The following CMIP variants were observed in gnomAD, a reference collection of about 807,000 sequenced individuals.
The protein encoded by CMIP is C-Maf-inducing protein.
In CMIP, 13 loss-of-function variants were observed where a neutral mutation model predicts 97.3. The ratio of observed to expected loss-of-function variants is 0.13; its 90% confidence interval spans 0.09 to 0.21. The LOEUF (loss-of-function observed/expected upper bound fraction) is 0.21. Ranked by LOEUF, CMIP falls within the 10% of genes least tolerant of loss-of-function variation. The pLI is 1.00. For missense variants in CMIP, 847 were observed against 1,024.9 expected (o/e 0.83, Z 2.37); for synonymous variants, 538 against 436.3 (o/e 1.23, Z -2.91).
chr16:81,667,799 A>AGAGAGAGAGAGAGAGTGT, intron 7 of CMIP, among the ~76,000 whole-genome samples: 121 of 58,104 alleles, frequency 2.1e-3, no homozygotes, highest in Non-Finnish European at 3.1e-3. Flanking sequence ...AGAGAGAGAG[A>AGAGAGAGAGAGAGAGTGT]GTGTGTGTGT....
chr16:81,636,833 G>A (rs867312587), intron 3 of CMIP, among the ~76,000 whole-genome samples: 3 of 151,790 alleles, frequency 2.0e-5, no homozygotes, highest in East Asian at 1.9e-4. Context: ...GTCACCAGCC[G>A]GACTTGGTCC....
At chr16:81,532,926 G>A (rs979379793) in intron 1 of CMIP, among the ~76,000 whole-genome samples, 2 of 152,112 alleles carry the variant, frequency 1.3e-5, no homozygotes, top group African/African-American at 4.8e-5. Flanking sequence ...CCTTGGACAC[G>A]CCAAGCCTGC....
chr16:81,525,430 A>G (rs1326401055), intron 1 of CMIP, among the ~76,000 whole-genome samples: 1 of 152,210 alleles, frequency 6.6e-6, no homozygotes, highest in Non-Finnish European at 1.5e-5. Flanking sequence ...AGCATGAGCC[A>G]CTGCCTCTGG....
intron 19 of CMIP, among the ~76,000 whole-genome samples, chr16:81,706,649 C>T (rs766019976): frequency 3.5e-4 from 54 of 152,146 alleles, no homozygotes; most frequent in African/African-American, 1.3e-3. Flanking sequence ...GAGTCAATGA[C>T]GACGGGGGGA....
intron 1 of CMIP, among the ~76,000 whole-genome samples, chr16:81,512,023 C>A (rs1272334350): frequency 1.3e-5 from 2 of 152,112 alleles, no homozygotes; most frequent in African/African-American, 4.8e-5. Flanking sequence ...TATCTCACTA[C>A]TCATTTTTTG....
At chr16:81,592,385 G>A (rs1245764248) in intron 1 of CMIP, among the ~76,000 whole-genome samples, 1 of 152,156 alleles carries the variant, frequency 6.6e-6, no homozygotes, top group African/African-American at 2.4e-5. Context: ...CTGTTTCCTT[G>A]GCGGAGAATG....
At chr16:81,507,993 G>A (rs1597487183) in intron 1 of CMIP, among the ~76,000 whole-genome samples, 1 of 152,152 alleles carries the variant, frequency 6.6e-6, no homozygotes, top group Non-Finnish European at 1.5e-5. Context: ...TTTTAGTAGA[G>A]CCCACTTGGG....
rs367895795 is a variant in CMIP, at chr16:81,678,500, A to G, written c.1260A>G (p.Ala420=). 1.9e-6 allele frequency: 3 copies of G among 1,599,844 alleles called. No homozygotes were observed. Among genetic ancestry groups the G allele is most frequent in the Non-Finnish European group, 2.6e-6 (3 of 1,173,948 alleles). Residue 420 remains alanine, a synonymous_variant, in exon 10 of 21, where the codon GCA becomes GCG. Transcript: ENST00000537098. ...CCAAGCCGGCGCTGACGGCCAGCGCAGGCAACGACAGCGAGCCCAACCTCA... is the reference window on the plus strand; with the variant it reads ...CCAAGCCGGCGCTGACGGCCAGCGCGGGCAACGACAGCGAGCCCAACCTCA... ...STAKPALTAS[A]GNDSEPNLID...
At chr16:81,572,748 G>A (rs1434821482) in intron 1 of CMIP, among the ~76,000 whole-genome samples, 5 of 152,176 alleles carry the variant, frequency 3.3e-5, no homozygotes, top group South Asian at 2.1e-4. Context: ...AGTCAGTGGC[G>A]CCAAGGTCCC....
intron 1 of CMIP, among the ~76,000 whole-genome samples, chr16:81,448,458 G>GT (rs1265916314): frequency 6.6e-6 from 1 of 152,246 alleles, no homozygotes; most frequent in African/African-American, 2.4e-5. Context: ...CACCTGCTGG[G>GT]TGACACCGGC....
At chr16:81,548,749 G>A (rs1280158479) in intron 1 of CMIP, among the ~76,000 whole-genome samples, 1 of 152,098 alleles carries the variant, frequency 6.6e-6, no homozygotes, top group African/African-American at 2.4e-5. Context: ...GGGAGGCTGA[G>A]GCAGGAGGAT....
At chr16:81,610,261 C>T (rs911171945) in intron 2 of CMIP, 82 of 966,516 alleles carry the variant, frequency 8.5e-5, no homozygotes, top group Non-Finnish European at 9.7e-5. Flanking sequence ...TGTGATGACT[C>T]GCCTGGCCGC....
At chr16:81,455,243 G>A (rs757670213) in intron 1 of CMIP, among the ~76,000 whole-genome samples, 1 of 152,310 alleles carries the variant, frequency 6.6e-6, no homozygotes, top group Middle Eastern at 3.4e-3. Flanking sequence ...AGTAGTGACC[G>A]TGCAGCGGCC....
At chr16:81,664,461 T>C in intron 7 of CMIP, 112 bp downstream of exon 7, 1 of 1,002,282 alleles carries the variant, frequency 1.0e-6, no homozygotes, top group Non-Finnish European at 1.5e-6. Context: ...TGGCCCAGCG[T>C]GACAGCCAGG....
At chr16:81,670,977 C>T (rs2092678668) in intron 8 of CMIP, among the ~76,000 whole-genome samples, 1 of 152,206 alleles carries the variant, frequency 6.6e-6, no homozygotes, top group African/African-American at 2.4e-5. Flanking sequence ...TACAGGCACA[C>T]GTTACGACTC....
chr16:81,580,267 A>G (rs939709821), intron 1 of CMIP, among the ~76,000 whole-genome samples: 2 of 152,280 alleles, frequency 1.3e-5, no homozygotes, highest in African/African-American at 4.8e-5. Flanking sequence ...CAGAGAAGCG[A>G]GGTGCCCTAT....
chr16:81,502,742 T>G lies in CMIP; in HGVS notation c.300+57201T>G, dbSNP rs541324838. 6.6e-5 allele frequency among the ~76,000 whole-genome samples: 10 copies of G among 152,328 alleles called. No homozygotes were observed. In the South Asian group the frequency reaches 2.1e-3, roughly 32 times the overall value. On this transcript the variant is annotated intron_variant, in intron 1 of 20. Coordinates refer to ENST00000537098, the MANE Select transcript of CMIP (RefSeq NM_198390.3). ...AAATTATGACAATATGGCTGTTAAC[T>G]AAGCAGATTCTGATTACCTATTGTT...
chr16:81,661,476 T>G (rs921347747), intron 6 of CMIP, among the ~76,000 whole-genome samples: 2 of 152,188 alleles, frequency 1.3e-5, no homozygotes, highest in Non-Finnish European at 2.9e-5. Flanking sequence ...CAAACCTGTT[T>G]TGTTCTTTGC....
intron 1 of CMIP, among the ~76,000 whole-genome samples, chr16:81,588,280 C>G (rs1053587565): frequency 6.6e-6 from 1 of 152,214 alleles, no homozygotes; most frequent in African/African-American, 2.4e-5. Flanking sequence ...GTACCCAAGT[C>G]TGTCTTTCAA....
Sources: allele counts gnomAD v4.1 joint callset (sites outside exome capture counted in the v4.1 genomes callset), GRCh38; gene constraint gnomAD v4.1.1; transcripts MANE v1.5; gene names NCBI Gene and HGNC (gene_info 2026-07-23, HGNC 2026-07-21).